The following ETV6 variants were observed in gnomAD, a reference collection of about 807,000 sequenced individuals.
ETV6 encodes the protein ETS variant transcription factor 6.
Under a neutral mutation model 51.1 loss-of-function variants are expected in ETV6, and 16 were observed. The observed-to-expected ratio is 0.31, with a 90% CI of 0.21 to 0.48. The LOEUF is 0.48. Ranked by LOEUF, ETV6 falls within the 20% of genes least tolerant of loss-of-function variation. The probability of loss-of-function intolerance (pLI) is 0.99; values close to 1 mark genes in which losing one functional copy is unlikely to be tolerated. For missense variants in ETV6, 458 were observed against 594.8 expected, an observed-to-expected ratio of 0.77 and a Z score of 2.39; for synonymous variants, 240 against 224.1, an observed-to-expected ratio of 1.07 and a Z score of -0.64.
intron 2 of ETV6, among the ~76,000 whole-genome samples, chr12:11,798,305 GC>G (rs1945705336): frequency 6.6e-6 from 1 of 152,186 alleles, no homozygotes; most frequent in Admixed American, 6.5e-5. Flanking sequence ...AAATTGGTGG[GC>G]AGCCATTGAA....
intron 1 of ETV6, among the ~76,000 whole-genome samples, chr12:11,668,589 C>T (rs1864242953): frequency 1.3e-5 from 2 of 152,152 alleles, no homozygotes; most frequent in Non-Finnish European, 2.9e-5. Context: ...AGGGTCTTTT[C>T]TGAACTTCTT....
intron 2 of ETV6, among the ~76,000 whole-genome samples, chr12:11,837,949 T>C (rs1286046801): frequency 2.0e-5 from 3 of 152,216 alleles, no homozygotes; most frequent in Non-Finnish European, 2.9e-5. Flanking sequence ...AACCTGGGTA[T>C]TTACAAAATA....
intron 1 of ETV6, among the ~76,000 whole-genome samples, chr12:11,711,260 G>C (rs1039777515): frequency 6.6e-6 from 1 of 152,236 alleles, no homozygotes; most frequent in African/African-American, 2.4e-5. Flanking sequence ...AACTCAACCC[G>C]TTATTTTTGT....
At chr12:11,745,246 G>A (rs1458029889) in intron 1 of ETV6, among the ~76,000 whole-genome samples, 2 of 152,174 alleles carry the variant, frequency 1.3e-5, no homozygotes, top group African/African-American at 2.4e-5. Flanking sequence ...GCAGTTATAC[G>A]GAACCTTTAA....
chr12:11,685,100 T>C (rs1864602531), intron 1 of ETV6, among the ~76,000 whole-genome samples: 1 of 152,158 alleles, frequency 6.6e-6, no homozygotes. Context: ...GATTTGCCAC[T>C]GCGTGAAGAG....
intron 1 of ETV6, among the ~76,000 whole-genome samples, chr12:11,654,663 T>C (rs570671903): frequency 1.3e-5 from 2 of 152,080 alleles, no homozygotes; most frequent in Admixed American, 6.6e-5. Flanking sequence ...AGGGAGGAGA[T>C]GAGAGAAGAA....
At chr12:11,712,570 G>C (rs1472480934) in intron 1 of ETV6, among the ~76,000 whole-genome samples, 1 of 152,196 alleles carries the variant, frequency 6.6e-6, no homozygotes, top group Non-Finnish European at 1.5e-5. Context: ...AGATAGATAG[G>C]TGTGTATGTA....
intron 1 of ETV6, among the ~76,000 whole-genome samples, chr12:11,669,695 G>A (rs1046396668): frequency 1.3e-5 from 2 of 151,976 alleles, no homozygotes; most frequent in African/African-American, 4.8e-5. Flanking sequence ...CTCTGTAAAG[G>A]TATTTTGGGG....
intron 2 of ETV6, among the ~76,000 whole-genome samples, chr12:11,761,587 C>G (rs371000780): frequency 6.6e-6 from 1 of 152,216 alleles, no homozygotes; most frequent in Admixed American, 6.5e-5. Flanking sequence ...TAAGCCAACA[C>G]GCTTCAGAAA....
chr12:11,838,627 A>G (rs942510674), intron 2 of ETV6, among the ~76,000 whole-genome samples: 5 of 152,240 alleles, frequency 3.3e-5, no homozygotes, highest in Admixed American at 6.5e-5. Flanking sequence ...ATTATTTGGC[A>G]GCTCTGGAAG....
intron 1 of ETV6, among the ~76,000 whole-genome samples, chr12:11,660,598 CAAA>C (rs3983865): frequency 2.8e-5 from 3 of 106,464 alleles, no homozygotes; most frequent in African/African-American, 3.7e-5. Context: ...GACTCTGTCT[CAAA>C]AAAAAAAAAA....
intron 1 of ETV6, among the ~76,000 whole-genome samples, chr12:11,687,477 C>T (rs1467185141): frequency 2.6e-5 from 4 of 152,062 alleles, no homozygotes; most frequent in Non-Finnish European, 4.4e-5. Context: ...CCGCACCCAG[C>T]GCCACACCCC....
chr12:11,852,247 A>C (rs1295261734), intron 3 of ETV6, among the ~76,000 whole-genome samples: 1 of 152,214 alleles, frequency 6.6e-6, no homozygotes, highest in Admixed American at 6.5e-5. Flanking sequence ...GGACACTTCA[A>C]ATACCAAATA....
intron 3 of ETV6, among the ~76,000 whole-genome samples, chr12:11,842,407 TACACACAC>T (rs6144615): frequency 1.4e-5 from 2 of 147,954 alleles, no homozygotes; most frequent in South Asian, 2.1e-4. Flanking sequence ...TTGACACAGA[TACACACAC>T]ACACACACAC....
chr12:11,830,164 G>T, intron 2 of ETV6, among the ~76,000 whole-genome samples: 1 of 152,142 alleles, frequency 6.6e-6, no homozygotes. Context: ...CCCTGCCCTC[G>T]GCAAGCAGAG....
In ETV6 at chr12:11,691,061, AATTCTGGTAAGGGC is replaced by A. The variant is rs368151923; in HGVS notation, c.33+40902_33+40915del. Among the ~76,000 whole-genome samples the A allele has an allele frequency of 7.5e-3, 1,137 of 152,096 alleles. 7 individuals are homozygous for A. Among genetic ancestry groups the A allele is most frequent in the African/African-American group, 0.026 (1,066 of 41,468 alleles). ...TGAGGTCAGGGTGCCCAAATGGTCA[AATTCTGGTAAGGGC>A]CCTCTCCTGGGTTTCAGGCTGCTGA... is the stretch of plus-strand genomic sequence containing the variant. On this transcript the variant is annotated intron_variant, in intron 1 of 7. Transcript: ENST00000396373.
chr12:11,694,435 G>A (rs1381711150), intron 1 of ETV6, among the ~76,000 whole-genome samples: 1 of 152,144 alleles, frequency 6.6e-6, no homozygotes, highest in African/African-American at 2.4e-5. Flanking sequence ...CACCCCTTAA[G>A]ACAAGTCAGT....
chr12:11,689,950 G>A (rs1393599812), intron 1 of ETV6, among the ~76,000 whole-genome samples: 5 of 151,854 alleles, frequency 3.3e-5, no homozygotes, highest in East Asian at 1.9e-4. Flanking sequence ...ATGGATTTTC[G>A]TGCGCAAATA....
chr12:11,734,991 G>C (rs537424021), intron 1 of ETV6, among the ~76,000 whole-genome samples: 5 of 150,126 alleles, frequency 3.3e-5, no homozygotes, highest in Admixed American at 6.6e-5. Flanking sequence ...AGTGAAACTT[G>C]AAAGGCTCTG....
Sources: allele counts gnomAD v4.1 joint callset (sites outside exome capture counted in the v4.1 genomes callset), GRCh38; gene constraint gnomAD v4.1.1; transcripts MANE v1.5; gene names NCBI Gene and HGNC (gene_info 2026-07-23, HGNC 2026-07-21).